MACROD2: variants seen among roughly 807,000 people sequenced by gnomAD.
The protein encoded by MACROD2 is ADP-ribose glycohydrolase MACROD2.
A neutral mutation model predicts 70.4 loss-of-function variants in MACROD2; 36 were observed. That is an observed-to-expected ratio of 0.51 (90% confidence interval 0.39 to 0.68). MACROD2 has a LOEUF of 0.68. Ranked by LOEUF, MACROD2 falls within the 30% of genes least tolerant of loss-of-function variation. The pLI is 0.00. For synonymous variants in MACROD2, 172 were observed against 178.8 expected (o/e 0.96, Z 0.30); for missense variants, 496 against 538.4 (o/e 0.92, Z 0.78).
At position 14,696,317 on chromosome 20, in the gene MACROD2, GCT is replaced by G. The variant is rs200607600; in HGVS notation, c.418+11361_418+11362del. On this transcript the variant is annotated intron_variant, in intron 5 of 17. Coordinates refer to ENST00000684519, the MANE Select transcript of MACROD2 (RefSeq NM_001351661.2). The stretch of plus-strand genomic sequence containing the variant: ...CCTACTCCTGTTACTCCTTGACCAT[GCT>G]CTAGTCTTTACCTTTGCCACTCACA... 7.6e-3 allele frequency among the ~76,000 whole-genome samples: 1,155 copies of G among 152,196 alleles called. 33 individuals carry two copies. Among genetic ancestry groups the G allele is most frequent in the Admixed American group, 0.064 (975 of 15,260 alleles).
At chr20:14,092,342 G>A (rs1319591129) in intron 3 of MACROD2, among the ~76,000 whole-genome samples, 2 of 151,932 alleles carry the variant, frequency 1.3e-5, no homozygotes, top group African/African-American at 2.4e-5. Context: ...TTGCCATTTT[G>A]TAATGGGTCT....
At chr20:15,729,356 A>G (rs1330809311) in intron 8 of MACROD2, among the ~76,000 whole-genome samples, 2 of 152,160 alleles carry the variant, frequency 1.3e-5, no homozygotes. Context: ...AAGAATGCAT[A>G]TTCTGTTCTT....
chr20:14,882,403 G>A (rs867087872), intron 5 of MACROD2, among the ~76,000 whole-genome samples: 2 of 152,110 alleles, frequency 1.3e-5, no homozygotes, highest in Admixed American at 6.5e-5. Flanking sequence ...TCAACCAGAT[G>A]TAAAAGGTAC....
At chr20:14,679,380 A>G (rs890200642) in intron 4 of MACROD2, among the ~76,000 whole-genome samples, 4 of 152,300 alleles carry the variant, frequency 2.6e-5, no homozygotes, top group African/African-American at 9.6e-5. Flanking sequence ...AGAGAACAGC[A>G]AGGTCATGGG....
At chr20:15,573,080 G>A (rs1300675623) in intron 8 of MACROD2, among the ~76,000 whole-genome samples, 1 of 152,046 alleles carries the variant, frequency 6.6e-6, no homozygotes, top group Non-Finnish European at 1.5e-5. Context: ...AACACCGTAA[G>A]GCACATAAAG....
At chr20:14,428,178 G>A (rs1188343973) in intron 3 of MACROD2, among the ~76,000 whole-genome samples, 1 of 152,086 alleles carries the variant, frequency 6.6e-6, no homozygotes, top group Non-Finnish European at 1.5e-5. Context: ...GGAGAGAAAT[G>A]CCAAAATGGA....
chr20:14,270,867 G>A (rs551879246), intron 3 of MACROD2, among the ~76,000 whole-genome samples: 7 of 152,278 alleles, frequency 4.6e-5, no homozygotes, highest in South Asian at 2.1e-4. Flanking sequence ...AGGGTCCTAC[G>A]CCCACAGAAT....
At chr20:14,467,120 C>A (rs1057135765) in intron 3 of MACROD2, among the ~76,000 whole-genome samples, 2 of 152,158 alleles carry the variant, frequency 1.3e-5, no homozygotes, top group African/African-American at 2.4e-5. Context: ...TGTCTGTGCC[C>A]TGCCCCCCAG....
At chr20:14,521,820 C>G (rs2085171694) in intron 4 of MACROD2, among the ~76,000 whole-genome samples, 1 of 152,136 alleles carries the variant, frequency 6.6e-6, no homozygotes, top group Non-Finnish European at 1.5e-5. Context: ...ACTAATTATT[C>G]CATGGGAAGT....
chr20:15,697,199 A>G (rs538832217), intron 8 of MACROD2, among the ~76,000 whole-genome samples: 1 of 151,970 alleles, frequency 6.6e-6, no homozygotes, highest in Non-Finnish European at 1.5e-5. Flanking sequence ...AGGGCTATGA[A>G]CTTTCCTCTT....
intron 5 of MACROD2, among the ~76,000 whole-genome samples, chr20:15,225,483 T>G (rs967702942): frequency 2.0e-5 from 3 of 152,248 alleles, no homozygotes; most frequent in African/African-American, 7.2e-5. Flanking sequence ...CTTCATAGTT[T>G]CTGTCACTCT....
At chr20:15,686,969 T>C (rs2050235255) in intron 8 of MACROD2, among the ~76,000 whole-genome samples, 1 of 151,012 alleles carries the variant, frequency 6.6e-6, no homozygotes, top group Non-Finnish European at 1.5e-5. Context: ...AGGAACTTTC[T>C]TTCTTTTATA....
At chr20:14,024,662 G>T (rs951146882) in intron 2 of MACROD2, among the ~76,000 whole-genome samples, 1 of 152,172 alleles carries the variant, frequency 6.6e-6, no homozygotes, top group Non-Finnish European at 1.5e-5. Context: ...CTGTTTATGT[G>T]ATGGATTATG....
rs531701243 is a variant in MACROD2 at position 16,011,160 on chromosome 20, G to A, written c.1153+24002G>A. Among the ~76,000 whole-genome samples the A allele has an allele frequency of 2.6e-4, 40 of 152,288 alleles. 1 individual carries two copies. The highest frequency in any genetic ancestry group is 7.7e-4 in the African/African-American group (32 of 41,560). On this transcript the variant is annotated intron_variant, in intron 15 of 17. Coordinates refer to ENST00000684519, the MANE Select transcript of MACROD2 (RefSeq NM_001351661.2). ...GAATCTGAAGAAGCATGTTCTAATC[G>A]AGTTTCTGGCAGTCCTCTCCCTGTT...
chr20:15,138,787 G>C (rs1601126663), intron 5 of MACROD2, among the ~76,000 whole-genome samples: 1 of 152,152 alleles, frequency 6.6e-6, no homozygotes, highest in South Asian at 2.1e-4. Context: ...CTGTGAGTGA[G>C]TTGGAATGAG....
intron 8 of MACROD2, among the ~76,000 whole-genome samples, chr20:15,533,766 C>T (rs995366993): frequency 1.6e-4 from 25 of 151,982 alleles, no homozygotes; most frequent in African/African-American, 5.8e-4. Flanking sequence ...ATAGTGTGGT[C>T]CTGGGATGGA....
At chr20:15,560,936 A>C (rs191887140) in intron 8 of MACROD2, among the ~76,000 whole-genome samples, 44 of 152,290 alleles carry the variant, frequency 2.9e-4, no homozygotes, top group African/African-American at 1.1e-3. Flanking sequence ...GATCAAAGTC[A>C]ACTTGTTTCC....
At chr20:14,851,555 T>G (rs971034049) in intron 5 of MACROD2, among the ~76,000 whole-genome samples, 6 of 152,164 alleles carry the variant, frequency 3.9e-5, no homozygotes, top group Non-Finnish European at 8.8e-5. Context: ...CAACATTTAT[T>G]TAGAGTTTCA....
intron 6 of MACROD2, among the ~76,000 whole-genome samples, chr20:15,357,454 C>T (rs6079784): frequency 6.6e-6 from 1 of 152,032 alleles, no homozygotes; most frequent in Non-Finnish European, 1.5e-5. Context: ...ACCAGTGTTC[C>T]TATTGTGGCA....
Sources: allele counts gnomAD v4.1 joint callset (sites outside exome capture counted in the v4.1 genomes callset), GRCh38; gene constraint gnomAD v4.1.1; transcripts MANE v1.5; gene names NCBI Gene and HGNC (gene_info 2026-07-23, HGNC 2026-07-21).